The following MGST1 variants were observed in gnomAD, a reference collection of about 807,000 sequenced individuals.
MGST1 encodes microsomal glutathione S-transferase 1.
MGST1 carries 5 observed loss-of-function variants against 8.9 expected under a neutral mutation model. The ratio of observed to expected loss-of-function variants is 0.56; its 90% CI spans 0.29 to 1.19. The LOEUF is 1.19. MGST1 is among the 50% of genes most tolerant of loss of function. The pLI is 0.08. For missense variants in MGST1, 182 were observed against 187.4 expected, an observed-to-expected ratio of 0.97 and a Z score of 0.17; for synonymous variants, 54 against 67.8, an observed-to-expected ratio of 0.80 and a Z score of 1.00.
rs1861608 is a variant in MGST1 at position 16,544,197 on chromosome 12, T to A, written n.483-45331T>A. Among the ~76,000 whole-genome samples the A allele has an allele frequency of 0.52, 77,789 of 149,912 alleles. 21,418 individuals carry two copies. Among genetic ancestry groups the A allele is most frequent in the Admixed American group, 0.67 (10,155 of 15,056 alleles). On this transcript the variant is annotated intron_variant and non_coding_transcript_variant, in intron 4 of 4. Coordinates refer to the MGST1 transcript ENST00000538857. This position sits in a 1 kb window ranked among gnomAD's most constrained non-coding sequence, Gnocchi z 4.8. ...GTATTGTCTTTCAAAACAAACTTTT[T>A]AAATTGACACCTTAAGTAAGAACTA...
At chr12:16,373,093 A>G (rs994194800) in intron 3 of MGST1, among the ~76,000 whole-genome samples, 1 of 147,758 alleles carries the variant, frequency 6.8e-6, no homozygotes, top group African/African-American at 2.5e-5. Flanking sequence ...AAATTCTGTC[A>G]TTTGAAACAA....
rs967796636 is a variant in MGST1, at chr12:16,503,750, C to A, written n.483-85778C>A. Among the ~76,000 whole-genome samples, 1 of 152,096 alleles carries A rather than the reference C, an allele frequency of 6.6e-6. No individual in the cohort carries two copies. Among genetic ancestry groups the A allele is most frequent in the Non-Finnish European group, 1.5e-5 (1 of 68,028 alleles). The stretch of plus-strand genomic sequence containing the variant: ...CGTGGTAACACCTGGAAGTTACCAC[C>A]CCTTTCCATGACAATGACCCAACGA... On this transcript the variant is annotated intron_variant and non_coding_transcript_variant, in intron 4 of 4. Transcript: ENST00000538857. This position sits in a 1 kb window ranked among gnomAD's most constrained non-coding sequence, Gnocchi z 4.8.
At chr12:16,432,472 C>T (rs1295272602) in intron 1 of MGST1, among the ~76,000 whole-genome samples, 3 of 151,902 alleles carry the variant, frequency 2.0e-5, no homozygotes, top group African/African-American at 7.3e-5. Flanking sequence ...TTTTTATCTG[C>T]CTAGTCTACC....
intron 1 of MGST1, among the ~76,000 whole-genome samples, chr12:16,426,693 T>G (rs1396759899): frequency 1.3e-5 from 2 of 152,160 alleles, no homozygotes; most frequent in Non-Finnish European, 2.9e-5. Flanking sequence ...GGCTCACGCC[T>G]GTAATCCCAG....
intron 4 of MGST1, among the ~76,000 whole-genome samples, chr12:16,510,529 C>T (rs1010334467): frequency 6.7e-6 from 1 of 149,156 alleles, no homozygotes. Context: ...CAACAGTTGG[C>T]ATTGCCACCC....
intron 4 of MGST1, among the ~76,000 whole-genome samples, chr12:16,510,383 A>G (rs1348768668): frequency 6.6e-6 from 1 of 152,254 alleles, no homozygotes; most frequent in East Asian, 1.9e-4. Context: ...AAACTTTGCC[A>G]GTCTATTATG....
chr12:16,475,366 G>A (rs1268924978), intron 4 of MGST1, among the ~76,000 whole-genome samples: 2 of 152,098 alleles, frequency 1.3e-5, no homozygotes, highest in Non-Finnish European at 2.9e-5. Context: ...AAAAATGCAA[G>A]TGCTGGAGTC....
At chr12:16,478,101 C>T (rs1319672938) in intron 4 of MGST1, among the ~76,000 whole-genome samples, 1 of 152,180 alleles carries the variant, frequency 6.6e-6, no homozygotes, top group Non-Finnish European at 1.5e-5. Context: ...ACGATCTTGG[C>T]TCACTGCAAC....
chr12:16,498,070 T>C (rs1941481297), intron 4 of MGST1, among the ~76,000 whole-genome samples: 1 of 152,160 alleles, frequency 6.6e-6, no homozygotes, highest in African/African-American at 2.4e-5. Context: ...AATGGGTGAA[T>C]TTTTTCATCT....
chr12:16,488,573 T>C (rs146419961), intron 4 of MGST1, among the ~76,000 whole-genome samples: 1 of 152,322 alleles, frequency 6.6e-6, no homozygotes, highest in Non-Finnish European at 1.5e-5. Flanking sequence ...CTCCATAGTC[T>C]GCCAGGTTTC....
chr12:16,587,835 T>C lies in MGST1; in HGVS notation n.483-1693T>C, dbSNP rs1263268587. Among the ~76,000 whole-genome samples the C allele has an allele frequency of 6.6e-6, 1 of 152,080 alleles. No homozygotes were observed. The highest frequency in any genetic ancestry group is 1.5e-5 in the Non-Finnish European group (1 of 67,998). On this transcript the variant is annotated intron_variant and non_coding_transcript_variant, in intron 4 of 4. Transcript: ENST00000538857. This position sits in a 1 kb window ranked among gnomAD's most constrained non-coding sequence, Gnocchi z 4.3. Reference sequence around the variant, plus strand: ...GTTTCAGGGGGAGGGAGAGGAACCTTGTCTCATATTAATGCTGCCAGTAGC... The same window carrying C: ...GTTTCAGGGGGAGGGAGAGGAACCTCGTCTCATATTAATGCTGCCAGTAGC...
chr12:16,554,631 T>G (rs1269375565), intron 4 of MGST1, among the ~76,000 whole-genome samples: 1 of 152,194 alleles, frequency 6.6e-6, no homozygotes, highest in East Asian at 1.9e-4. Context: ...ATTCAAAGTT[T>G]ACCTTACTTT....
Position 16,348,847 on chromosome 12 carries a change from T to TA in MGST1, c.-23+1138dup, listed in dbSNP as rs910844428. 42 of 149,930 alleles carry TA rather than the reference T, an allele frequency of 2.8e-4. 1 individual carries two copies. Among genetic ancestry groups the TA allele is most frequent in the African/African-American group, 9.3e-4 (38 of 40,900 alleles). The allele number at this position is 149,930 out of a possible 1,614,324, so 9.3% of individuals were successfully genotyped here. A position where few individuals can be genotyped will look rare whatever the true frequency, so the allele number is the denominator to read the frequency against. On this transcript the variant is annotated intron_variant, in intron 1 of 3. Coordinates refer to ENST00000396210, the MANE Select transcript of MGST1 (RefSeq NM_020300.5). ...GGCAAATCAGTCCAAATTTGGATAT[T>TA]ACCCTCTCTGGCAGACGAGTAAAAT...
At chr12:16,433,851 CCT>C (rs1409169212) in intron 1 of MGST1, among the ~76,000 whole-genome samples, 5 of 152,058 alleles carry the variant, frequency 3.3e-5, no homozygotes, top group African/African-American at 1.2e-4. Context: ...TATGTTTCTA[CCT>C]CTCTTTTCTA....
intron 1 of MGST1, among the ~76,000 whole-genome samples, chr12:16,386,175 T>C (rs1445568183): frequency 1.3e-5 from 2 of 152,182 alleles, no homozygotes; most frequent in African/African-American, 4.8e-5. Context: ...AAGCAGTTTG[T>C]GGTTTGGAAA....
intron 2 of MGST1, among the ~76,000 whole-genome samples, chr12:16,356,711 T>C (rs1401714950): frequency 1.3e-5 from 2 of 152,204 alleles, no homozygotes. Context: ...AATGTGTACT[T>C]CTTATTCCTA....
intron 4 of MGST1, among the ~76,000 whole-genome samples, chr12:16,510,625 A>G (rs1941570824): frequency 6.6e-6 from 1 of 152,232 alleles, no homozygotes; most frequent in Admixed American, 6.5e-5. Flanking sequence ...TGTGAATAGT[A>G]TAAGTTTCTC....
At chr12:16,360,153 A>G (rs925396370) in intron 3 of MGST1, 1 of 159,354 alleles carries the variant, frequency 6.3e-6, no homozygotes, top group Non-Finnish European at 1.3e-5. Context: ...TTCCAGTTGT[A>G]TAATGCTTTT....
intron 4 of MGST1, among the ~76,000 whole-genome samples, chr12:16,567,958 G>A (rs1048025982): frequency 2.0e-5 from 3 of 152,148 alleles, no homozygotes; most frequent in Non-Finnish European, 2.9e-5. Flanking sequence ...CAACATGGTG[G>A]GGGTAATAAA....
Sources: allele counts gnomAD v4.1 joint callset (sites outside exome capture counted in the v4.1 genomes callset), GRCh38; gene constraint gnomAD v4.1.1; non-coding constraint Gnocchi (gnomAD v3.1); transcripts MANE v1.5; gene names NCBI Gene and HGNC (gene_info 2026-07-23, HGNC 2026-07-21).